OSBP2: variants seen among roughly 807,000 people sequenced by gnomAD.
OSBP2 encodes oxysterol-binding protein 2.
A neutral mutation model predicts 96.0 loss-of-function variants in OSBP2; 66 were observed. The ratio of observed to expected loss-of-function variants is 0.69; its 90% CI spans 0.56 to 0.84. The LOEUF (loss-of-function observed/expected upper bound fraction) is 0.84, where lower values mean the gene tolerates loss of function less well. Ranked by LOEUF, OSBP2 falls within the 40% of genes least tolerant of loss-of-function variation. The probability of loss-of-function intolerance (pLI) is 0.00; values close to 1 mark genes in which losing one functional copy is unlikely to be tolerated. For synonymous variants in OSBP2, 525 were observed against 520.9 expected (o/e 1.01, Z -0.11); for missense variants, 1,038 against 1,222.7 (o/e 0.85, Z 2.25).
Position 30,890,993 on chromosome 22 carries a change from A to G in OSBP2, c.1869+20A>G. On this transcript the variant is annotated intron_variant, in intron 8 of 13. Coordinates refer to ENST00000332585, the MANE Select transcript of OSBP2 (RefSeq NM_030758.4). This position sits in a 1 kb window ranked among gnomAD's most constrained non-coding sequence, Gnocchi z 4.4. ...GAGCAGGTGAGGGGGCTAGGCTGGC[A>G]CTGGGTGGCGCCCACCCACACTCTG... 6.3e-7 allele frequency: 1 copy of G among 1,596,272 alleles called. No homozygotes were observed. The highest frequency in any genetic ancestry group is 1.1e-5 in the South Asian group (1 of 90,682).
intron 2 of OSBP2, among the ~76,000 whole-genome samples, chr22:30,796,840 A>G (rs2090770971): frequency 6.6e-6 from 1 of 152,208 alleles, no homozygotes; most frequent in Non-Finnish European, 1.5e-5. Context: ...AAATACACAT[A>G]TCATAACGTT....
chr22:30,881,572 T>TGGGTCAGCCAGGCCCTCCCTGGGCC lies in OSBP2; in HGVS notation c.1108-5853_1108-5829dup. The TGGGTCAGCCAGGCCCTCCCTGGGCC allele has an allele frequency of 1.0e-6, 1 of 988,338 alleles. No homozygotes were observed. The highest frequency in any genetic ancestry group is 1.5e-5 in the South Asian group (1 of 68,402). The allele number at this position is 988,338 out of a possible 1,614,324, so 61.2% of individuals were successfully genotyped here. On this transcript the variant is annotated intron_variant, in intron 3 of 13. Coordinates refer to ENST00000332585, the MANE Select transcript of OSBP2 (RefSeq NM_030758.4). This position sits in a 1 kb window ranked among gnomAD's most constrained non-coding sequence, Gnocchi z 4.5. The stretch of plus-strand genomic sequence containing the variant: ...AATGAGACCACGTTCAGGCCTGGGC[T>TGGGTCAGCCAGGCCCTCCCTGGGCC]GGGTCAGCCAGGCCCTCCCTGGGCC...
intron 2 of OSBP2, among the ~76,000 whole-genome samples, chr22:30,851,281 G>A (rs1336928334): frequency 2.6e-5 from 4 of 151,938 alleles, no homozygotes; most frequent in Non-Finnish European, 5.9e-5. Context: ...TGTTGGCCAG[G>A]CTTGTCTCAA....
intron 2 of OSBP2, among the ~76,000 whole-genome samples, chr22:30,851,984 T>C (rs11913598): frequency 0.016 from 2,415 of 152,298 alleles, 53 homozygotes; most frequent in African/African-American, 0.052. Flanking sequence ...ATATGAGTTG[T>C]ATTTCAAACC....
intron 1 of OSBP2, among the ~76,000 whole-genome samples, chr22:30,715,061 T>C (rs2089425586): frequency 6.6e-6 from 1 of 152,162 alleles, no homozygotes; most frequent in Non-Finnish European, 1.5e-5. Context: ...TTTCTTTTTT[T>C]TTTTTAATTT....
At chr22:30,791,932 T>C (rs1325153516) in intron 2 of OSBP2, among the ~76,000 whole-genome samples, 3 of 152,138 alleles carry the variant, frequency 2.0e-5, no homozygotes, top group Non-Finnish European at 4.4e-5. Context: ...TAGATAAGTA[T>C]TACCAAATAT....
At chr22:30,880,418 T>C (rs767471434) in intron 3 of OSBP2, among the ~76,000 whole-genome samples, 6 of 152,190 alleles carry the variant, frequency 3.9e-5, no homozygotes, top group Non-Finnish European at 8.8e-5. Context: ...CCAGGGGTGC[T>C]GGGACCTCCT....
chr22:30,717,090 T>TTGTGTGTGTGTGTGTGTGTGTG (rs35377469), intron 1 of OSBP2, among the ~76,000 whole-genome samples: 1 of 118,414 alleles, frequency 8.4e-6, no homozygotes, highest in East Asian at 2.3e-4. Context: ...TTTACTGTTT[T>TTGTGTGTGTGTGTGTGTGTGTG]TGTGTGTGTG....
At chr22:30,758,205 C>T (rs983325249) in intron 2 of OSBP2, among the ~76,000 whole-genome samples, 2 of 152,082 alleles carry the variant, frequency 1.3e-5, no homozygotes, top group Non-Finnish European at 2.9e-5. Context: ...AGTTCGAGAC[C>T]GGCCTGGCCA....
At chr22:30,818,093 T>C (rs1429267783) in intron 2 of OSBP2, among the ~76,000 whole-genome samples, 2 of 152,150 alleles carry the variant, frequency 1.3e-5, no homozygotes, top group African/African-American at 4.8e-5. Context: ...AGATGGAGTT[T>C]CGCCATGTTG....
intron 1 of OSBP2, among the ~76,000 whole-genome samples, chr22:30,707,665 C>T (rs73400344): frequency 6.7e-6 from 1 of 149,234 alleles, no homozygotes; most frequent in South Asian, 2.1e-4. Flanking sequence ...TGCAGTGAGT[C>T]GAGATCATGC....
intron 2 of OSBP2, among the ~76,000 whole-genome samples, chr22:30,847,383 G>T (rs2147050743): frequency 6.6e-6 from 1 of 152,190 alleles, no homozygotes; most frequent in East Asian, 1.9e-4. Flanking sequence ...CCAGGTTCAA[G>T]CAATTCTTTT....
chr22:30,794,812 G>C (rs1020396438), intron 2 of OSBP2, among the ~76,000 whole-genome samples: 2 of 150,274 alleles, frequency 1.3e-5, no homozygotes, highest in African/African-American at 2.5e-5. Flanking sequence ...AAAAATTCCC[G>C]TTACTTTTCG....
At chr22:30,711,565 C>T (rs1021753486) in intron 1 of OSBP2, among the ~76,000 whole-genome samples, 2 of 151,916 alleles carry the variant, frequency 1.3e-5, no homozygotes, top group Admixed American at 1.3e-4. Context: ...CATGGCAAAA[C>T]CCCATGTCTA....
chr22:30,716,997 T>C (rs1303971923), intron 1 of OSBP2, among the ~76,000 whole-genome samples: 2 of 152,158 alleles, frequency 1.3e-5, no homozygotes, highest in East Asian at 3.8e-4. Context: ...CCAAATCCAA[T>C]GTCATGAAAC....
chr22:30,897,704 G>A (rs1423644741), intron 12 of OSBP2, among the ~76,000 whole-genome samples: 5 of 152,328 alleles, frequency 3.3e-5, no homozygotes, highest in East Asian at 1.9e-4. Context: ...TTGGGAGGCC[G>A]AAGGTAGCGG....
chr22:30,821,365 G>A (rs937702022), intron 2 of OSBP2, among the ~76,000 whole-genome samples: 2 of 152,332 alleles, frequency 1.3e-5, no homozygotes, highest in African/African-American at 4.8e-5. Flanking sequence ...AGACGAGGGC[G>A]TAGCAGGCCC....
chr22:30,837,085 T>TACAACA (rs532042404), intron 2 of OSBP2, among the ~76,000 whole-genome samples: 2 of 151,924 alleles, frequency 1.3e-5, no homozygotes, highest in Non-Finnish European at 2.9e-5. Flanking sequence ...ACCCCATCTC[T>TACAACA]ACAACAACAA....
At chr22:30,762,091 T>C (rs2090211209) in intron 2 of OSBP2, among the ~76,000 whole-genome samples, 3 of 151,800 alleles carry the variant, frequency 2.0e-5, no homozygotes, top group East Asian at 3.9e-4. Flanking sequence ...CATAGTGGTG[T>C]GCAACTGTAG....
Sources: gnomAD v4.1 joint callset for allele counts (sites outside exome capture counted in the v4.1 genomes callset) on GRCh38, gnomAD v4.1.1 for gene constraint, Gnocchi (gnomAD v3.1) non-coding constraint, MANE v1.5 for transcripts, NCBI Gene and HGNC (gene_info 2026-07-23, HGNC 2026-07-21) for gene names.